BMPR1B: variants seen among roughly 807,000 people sequenced by gnomAD.
BMPR1B encodes bone morphogenetic protein receptor type-1B.
Under a neutral mutation model 59.1 loss-of-function variants are expected in BMPR1B, and 12 were observed. That is an observed-to-expected ratio of 0.20 (90% CI 0.13 to 0.33). BMPR1B has a LOEUF of 0.33. BMPR1B is among the 10% of genes least tolerant of loss of function. BMPR1B has a pLI of 1.00. For synonymous variants in BMPR1B, 237 were observed against 207.3 expected, an observed-to-expected ratio of 1.14 and a Z score of -1.23; for missense variants, 550 against 610.9, an observed-to-expected ratio of 0.90 and a Z score of 1.05.
intron 3 of BMPR1B, among the ~76,000 whole-genome samples, chr4:95,086,174 A>G (rs1249075740): frequency 6.6e-6 from 1 of 152,190 alleles, no homozygotes; most frequent in African/African-American, 2.4e-5. Context: ...GATTTTTCTA[A>G]TCTTGATTGG....
chr4:94,829,021 A>G (rs1724479996), intron 1 of BMPR1B, among the ~76,000 whole-genome samples: 1 of 151,890 alleles, frequency 6.6e-6, no homozygotes, highest in Non-Finnish European at 1.5e-5. Context: ...ATTCTTGCCA[A>G]GTAGAAAATA....
intron 3 of BMPR1B, among the ~76,000 whole-genome samples, chr4:95,030,651 T>G (rs1724768053): frequency 6.6e-6 from 1 of 152,126 alleles, no homozygotes; most frequent in South Asian, 2.1e-4. Flanking sequence ...CTCCTTAAGC[T>G]GATAAGAAAC....
At chr4:94,873,020 A>G (rs1726563435) in intron 1 of BMPR1B, among the ~76,000 whole-genome samples, 1 of 152,046 alleles carries the variant, frequency 6.6e-6, no homozygotes, top group Admixed American at 6.5e-5. Flanking sequence ...ACAACTTCAC[A>G]TTTACCTGAT....
In BMPR1B at chr4:94,830,036, G is replaced by A. The variant is rs138479798; in HGVS notation, c.-182-45795G>A. Among the ~76,000 whole-genome samples, 1,403 of 152,182 alleles carry A rather than the reference G, an allele frequency of 9.2e-3. 21 individuals are homozygous for A. The highest frequency in any genetic ancestry group is 0.032 in the African/African-American group (1,331 of 41,526). ...AAATATTAGAAATGAGACTTATTAT[G>A]TAAGTATATGACATGGAGTTTTCAT... On this transcript the variant is annotated intron_variant, in intron 1 of 12. Coordinates refer to ENST00000515059, the MANE Select transcript of BMPR1B (RefSeq NM_001203.3).
intron 2 of BMPR1B, among the ~76,000 whole-genome samples, chr4:94,890,575 C>G (rs369145089): frequency 4.6e-5 from 7 of 152,040 alleles, no homozygotes; most frequent in Non-Finnish European, 8.8e-5. Context: ...GCTGCCGTAA[C>G]GAAATACTTT....
At chr4:94,794,660 G>A (rs967327283) in intron 1 of BMPR1B, among the ~76,000 whole-genome samples, 73 of 151,608 alleles carry the variant, frequency 4.8e-4, no homozygotes, top group African/African-American at 1.7e-3. Context: ...AGCATGGAAT[G>A]TTCTTCCATT....
intron 1 of BMPR1B, among the ~76,000 whole-genome samples, chr4:94,852,276 A>G (rs77926220): frequency 2.2e-3 from 330 of 152,236 alleles, no homozygotes; most frequent in African/African-American, 7.6e-3. Flanking sequence ...CATTTTGAAT[A>G]TAATCTGCGG....
intron 2 of BMPR1B, among the ~76,000 whole-genome samples, chr4:94,877,092 T>G (rs1050419240): frequency 7.9e-5 from 12 of 152,208 alleles, no homozygotes; most frequent in Non-Finnish European, 1.6e-4. Flanking sequence ...AGGTTAAATT[T>G]TCAGCATAGT....
intron 1 of BMPR1B, among the ~76,000 whole-genome samples, chr4:94,875,572 T>C (rs1013901887): frequency 6.6e-6 from 1 of 152,088 alleles, no homozygotes; most frequent in African/African-American, 2.4e-5. Context: ...CAGTCCCTGC[T>C]ACTTGGGAGG....
chr4:94,910,765 T>A (rs1051556907), intron 2 of BMPR1B, among the ~76,000 whole-genome samples: 1 of 151,906 alleles, frequency 6.6e-6, no homozygotes, highest in East Asian at 2.0e-4. Flanking sequence ...AATAAAATAA[T>A]TAGCCAGGCA....
At position 94,827,081 on chromosome 4, in the gene BMPR1B, TA is replaced by T. The variant is rs769465898; in HGVS notation, c.-182-48749del. 7.6e-4 allele frequency among the ~76,000 whole-genome samples: 116 copies of T among 152,180 alleles called. 1 individual carries two copies. Among genetic ancestry groups the T allele is most frequent in the Non-Finnish European group, 1.4e-3 (96 of 68,018 alleles). On this transcript the variant is annotated intron_variant, in intron 1 of 12. Transcript: ENST00000515059. ...AATCTAATTTGGCTCATTAGGGGAA[TA>T]CTGTTTCCAAAATGGCATTTTATGT...
intron 3 of BMPR1B, among the ~76,000 whole-genome samples, chr4:95,092,107 A>G (rs566453062): frequency 6.6e-6 from 1 of 152,122 alleles, no homozygotes; most frequent in Non-Finnish European, 1.5e-5. Context: ...TCTTGCAAGT[A>G]TGAGTTTTAA....
At chr4:94,843,771 C>T (rs1725198433) in intron 1 of BMPR1B, among the ~76,000 whole-genome samples, 1 of 152,056 alleles carries the variant, frequency 6.6e-6, no homozygotes, top group Non-Finnish European at 1.5e-5. Flanking sequence ...GGTGAAAAGC[C>T]TTACGAGCCG....
chr4:94,920,800 T>C (rs1242365616), intron 2 of BMPR1B, among the ~76,000 whole-genome samples: 1 of 152,324 alleles, frequency 6.6e-6, no homozygotes, highest in East Asian at 1.9e-4. Context: ...CATAATTAAT[T>C]TGAGTGCTCA....
intron 2 of BMPR1B, among the ~76,000 whole-genome samples, chr4:94,921,252 C>T (rs1039672765): frequency 1.3e-5 from 2 of 151,996 alleles, no homozygotes; most frequent in Admixed American, 6.6e-5. Flanking sequence ...AATATTGATA[C>T]GTGAACAGAA....
chr4:95,054,349 A>G (rs1726763260), intron 3 of BMPR1B, among the ~76,000 whole-genome samples: 1 of 152,168 alleles, frequency 6.6e-6, no homozygotes. Context: ...CTATTACCTT[A>G]AATGTTTTAC....
intron 2 of BMPR1B, among the ~76,000 whole-genome samples, chr4:94,962,173 T>C (rs1054615231): frequency 6.7e-6 from 1 of 149,742 alleles, no homozygotes; most frequent in Non-Finnish European, 1.5e-5. Flanking sequence ...AGTCTTGCTC[T>C]GTCACCGAGG....
intron 2 of BMPR1B, among the ~76,000 whole-genome samples, chr4:94,953,485 G>C (rs1730026680): frequency 6.6e-6 from 1 of 152,142 alleles, no homozygotes; most frequent in Non-Finnish European, 1.5e-5. Context: ...GCATTTGCTT[G>C]TGTATAAAGG....
intron 3 of BMPR1B, among the ~76,000 whole-genome samples, chr4:95,036,704 C>CTTTTTTTTTTT (rs5860386): frequency 1.6e-5 from 2 of 128,092 alleles, no homozygotes; most frequent in Non-Finnish European, 1.6e-5. Flanking sequence ...ATACAATTTC[C>CTTTTTTTTTTT]TTTTTTTTTT....
Sources: gnomAD v4.1 joint callset for allele counts (sites outside exome capture counted in the v4.1 genomes callset) on GRCh38, gnomAD v4.1.1 for gene constraint, MANE v1.5 for transcripts, NCBI Gene and HGNC (gene_info 2026-07-23, HGNC 2026-07-21) for gene names.